LRP1B: variants seen among roughly 807,000 people sequenced by gnomAD.
LRP1B encodes the protein low-density lipoprotein receptor-related protein 1B.
LRP1B carries 217 observed loss-of-function variants against 556.6 expected under a neutral mutation model. The ratio of observed to expected loss-of-function variants is 0.39; its 90% CI spans 0.35 to 0.44. LRP1B has a LOEUF of 0.44. Ranked by LOEUF, LRP1B falls within the 20% of genes least tolerant of loss-of-function variation. The pLI is 1.00. For synonymous variants in LRP1B, 2,047 were observed against 1,865.8 expected, an observed-to-expected ratio of 1.10 and a Z score of -2.50; for missense variants, 5,053 against 5,620.8, an observed-to-expected ratio of 0.90 and a Z score of 3.23.
chr2:141,493,206 C>A (rs796817908), intron 2 of LRP1B, among the ~76,000 whole-genome samples: 30 of 152,262 alleles, frequency 2.0e-4, no homozygotes, highest in African/African-American at 6.7e-4. Flanking sequence ...TAGATCTCCT[C>A]TGTCTTCAAA....
intron 27 of LRP1B, among the ~76,000 whole-genome samples, chr2:140,859,811 G>A (rs1369137909): frequency 1.3e-5 from 2 of 151,816 alleles, no homozygotes; most frequent in Admixed American, 6.6e-5. Context: ...TGGCTAACAC[G>A]GTGAAACCCC....
intron 1 of LRP1B, among the ~76,000 whole-genome samples, chr2:141,984,582 T>C (rs780674718): frequency 1.1e-4 from 16 of 152,202 alleles, no homozygotes; most frequent in Non-Finnish European, 1.8e-4. Context: ...CCTATTAGAT[T>C]TTTAGATTTA....
intron 1 of LRP1B, among the ~76,000 whole-genome samples, chr2:142,018,161 TACA>T (rs1703213860): frequency 6.6e-6 from 1 of 152,216 alleles, no homozygotes; most frequent in Admixed American, 6.5e-5. Context: ...TTATGTGTTT[TACA>T]ACAAATTGTT....
chr2:140,681,213 G>A (rs908781729), intron 41 of LRP1B, among the ~76,000 whole-genome samples: 4 of 152,054 alleles, frequency 2.6e-5, no homozygotes, highest in African/African-American at 7.2e-5. Flanking sequence ...GAAGAGTGCC[G>A]AAGAAACACT....
At chr2:141,806,580 A>G (rs980467720) in intron 2 of LRP1B, among the ~76,000 whole-genome samples, 4 of 151,998 alleles carry the variant, frequency 2.6e-5, no homozygotes, top group Non-Finnish European at 5.9e-5. Flanking sequence ...ACCTCACACA[A>G]CAGTTTTCTA....
intron 1 of LRP1B, among the ~76,000 whole-genome samples, chr2:142,057,944 C>G (rs574141421): frequency 1.3e-5 from 2 of 152,120 alleles, no homozygotes; most frequent in East Asian, 3.9e-4. Context: ...ACCCTTTCTA[C>G]AGGGCATCTT....
chr2:140,328,128 G>A (rs1680593620), intron 79 of LRP1B, among the ~76,000 whole-genome samples: 2 of 151,700 alleles, frequency 1.3e-5, no homozygotes, highest in South Asian at 2.1e-4. Context: ...ATAATAAAGT[G>A]GAAAAAAATC....
intron 7 of LRP1B, among the ~76,000 whole-genome samples, chr2:141,185,696 A>AAAT (rs1558919007): frequency 7.6e-6 from 1 of 131,246 alleles, no homozygotes. Context: ...ACAAAAAAAA[A>AAAT]CAAAAAAAAA....
intron 19 of LRP1B, among the ~76,000 whole-genome samples, chr2:140,951,327 G>A (rs1006129877): frequency 1.3e-5 from 2 of 152,040 alleles, no homozygotes; most frequent in Non-Finnish European, 2.9e-5. Context: ...AGGGGAGAGA[G>A]CTGTGAAGGA....
chr2:141,465,147 A>G (rs1682132810), intron 3 of LRP1B, among the ~76,000 whole-genome samples: 1 of 151,736 alleles, frequency 6.6e-6, no homozygotes, highest in Non-Finnish European at 1.5e-5. Context: ...AGTTAAAATC[A>G]ATGTTAAAGT....
chr2:141,417,219 T>A (rs1691139487), intron 3 of LRP1B, among the ~76,000 whole-genome samples: 1 of 152,202 alleles, frequency 6.6e-6, no homozygotes, highest in South Asian at 2.1e-4. Flanking sequence ...ATCTCAAGAT[T>A]TTTAATTATT....
intron 7 of LRP1B, among the ~76,000 whole-genome samples, chr2:141,175,422 C>A (rs1373611972): frequency 6.6e-6 from 1 of 152,144 alleles, no homozygotes; most frequent in Non-Finnish European, 1.5e-5. Context: ...TGCATAGCAG[C>A]TGCTCCAGCT....
intron 3 of LRP1B, among the ~76,000 whole-genome samples, chr2:141,392,091 T>A (rs975725673): frequency 1.3e-5 from 2 of 152,180 alleles, no homozygotes; most frequent in African/African-American, 4.8e-5. Context: ...ATTGACTGGT[T>A]AAGCTGATGA....
At chr2:141,202,553 T>G (rs1193973709) in intron 6 of LRP1B, among the ~76,000 whole-genome samples, 2 of 152,204 alleles carry the variant, frequency 1.3e-5, no homozygotes, top group Non-Finnish European at 2.9e-5. Flanking sequence ...AGTGTTCCTT[T>G]TTTTCTCTGC....
rs376163255 is a variant in LRP1B at position 140,372,996 on chromosome 2, C to T, written c.10768+12G>A. On this transcript the variant is annotated intron_variant, in intron 69 of 90. Transcript: ENST00000389484. ...ATGTTAACTAAATGATATATTACTT[C>T]AATCCTTTTACCTGGCTCACAGCTT... The T allele has an allele frequency of 3.7e-6, 6 of 1,612,196 alleles. No homozygotes were observed. Among genetic ancestry groups the T allele is most frequent in the Admixed American group, 3.3e-5 (2 of 59,916 alleles).
intron 83 of LRP1B, among the ~76,000 whole-genome samples, chr2:140,300,940 G>A (rs985693505): frequency 1.3e-5 from 2 of 152,024 alleles, no homozygotes; most frequent in Non-Finnish European, 2.9e-5. Flanking sequence ...TTTTTAGGTA[G>A]GACTTATTCT....
At chr2:141,309,021 A>C (rs1345669035) in intron 3 of LRP1B, among the ~76,000 whole-genome samples, 1 of 152,206 alleles carries the variant, frequency 6.6e-6, no homozygotes. Flanking sequence ...AATCCAGGTA[A>C]TCCAGCTTCA....
chr2:140,850,356 T>C, intron 28 of LRP1B, 27 bp from the exon 29 acceptor site: 1 of 1,420,930 alleles, frequency 7.0e-7, no homozygotes. Context: ...AATTCTTTTC[T>C]CTTATGAAGT....
intron 3 of LRP1B, among the ~76,000 whole-genome samples, chr2:141,317,170 A>T (rs1321285844): frequency 6.6e-6 from 1 of 152,218 alleles, no homozygotes; most frequent in East Asian, 1.9e-4. Context: ...CATAAGCTCT[A>T]GACCTAAGAA....
Sources: gnomAD v4.1 joint callset for allele counts (sites outside exome capture counted in the v4.1 genomes callset) on GRCh38, gnomAD v4.1.1 for gene constraint, MANE v1.5 for transcripts, NCBI Gene and HGNC (gene_info 2026-07-23, HGNC 2026-07-21) for gene names.